The following DEPDC5 variants were observed in gnomAD, a reference collection of about 807,000 sequenced individuals.
DEPDC5 encodes the protein GATOR1 complex protein DEPDC5.
Under a neutral mutation model 217.3 loss-of-function variants are expected in DEPDC5, and 73 were observed. The observed-to-expected ratio is 0.34, with a 90% CI of 0.28 to 0.41. The LOEUF (loss-of-function observed/expected upper bound fraction) is 0.41, where lower values mean the gene tolerates loss of function less well. DEPDC5 is among the 10% of genes least tolerant of loss of function. The pLI is 1.00. For missense variants in DEPDC5, 1,675 were observed against 2,070.1 expected (o/e 0.81, Z 3.70); for synonymous variants, 733 against 756.7 (o/e 0.97, Z 0.51).
At chr22:31,790,735 CTTT>C (rs1173389043) in intron 10 of DEPDC5, among the ~76,000 whole-genome samples, 1 of 143,906 alleles carries the variant, frequency 6.9e-6, no homozygotes, top group Non-Finnish European at 1.5e-5. Flanking sequence ...CCCTATCTCT[CTTT>C]TTTTTTTTCT....
At chr22:31,761,812 C>G (rs902120797) in intron 4 of DEPDC5, among the ~76,000 whole-genome samples, 1 of 151,434 alleles carries the variant, frequency 6.6e-6, no homozygotes, top group Non-Finnish European at 1.5e-5. Context: ...TACTAAAATA[C>G]AAAATATTAG....
intron 36 of DEPDC5, chr22:31,875,356 TG>T: frequency 6.2e-6 from 1 of 161,136 alleles, no homozygotes. Flanking sequence ...AAGCATGATG[TG>T]GACTGGAAAA....
chr22:31,840,146 T>G (rs1224407058), intron 27 of DEPDC5, among the ~76,000 whole-genome samples: 1 of 152,052 alleles, frequency 6.6e-6, no homozygotes, highest in Admixed American at 6.6e-5. Flanking sequence ...GAGGGAGAAG[T>G]CATGGGGCTG....
chr22:31,795,065 A>AT (rs983604458), intron 12 of DEPDC5, among the ~76,000 whole-genome samples: 2,937 of 107,326 alleles, frequency 0.027, 109 homozygotes, highest in East Asian at 0.07. Context: ...ATTCCATGTG[A>AT]TTTTTTTTTT....
At chr22:31,815,524 A>G in intron 21 of DEPDC5, 2 of 640,878 alleles carry the variant, frequency 3.1e-6, no homozygotes, top group Non-Finnish European at 5.5e-6. Flanking sequence ...AACTGGGACT[A>G]TAGCATGCCA....
chr22:31,798,732 A>G, intron 14 of DEPDC5, 76 bp downstream of exon 14: 1 of 1,409,992 alleles, frequency 7.1e-7, no homozygotes, highest in Non-Finnish European at 9.8e-7. Flanking sequence ...GTCCTGATCC[A>G]GACCCTAAGA....
intron 41 of DEPDC5, among the ~76,000 whole-genome samples, chr22:31,905,052 G>A (rs2093732189): frequency 6.6e-6 from 1 of 152,070 alleles, no homozygotes. Context: ...ACAGCTCTTA[G>A]CAGGTAGAAC....
chr22:31,824,368 G>T (rs2148845770), intron 24 of DEPDC5, among the ~76,000 whole-genome samples: 1 of 151,940 alleles, frequency 6.6e-6, no homozygotes, highest in East Asian at 1.9e-4. Flanking sequence ...AAAAAGAAAG[G>T]TGTCATGAAA....
chr22:31,857,798 C>G (rs1259480960), intron 32 of DEPDC5: 1 of 354,514 alleles, frequency 2.8e-6, no homozygotes, highest in Non-Finnish European at 5.1e-6. Flanking sequence ...GCTTGTAATC[C>G]CAGCACTTTG....
At chr22:31,792,999 G>C (rs1361373953) in intron 12 of DEPDC5, among the ~76,000 whole-genome samples, 182 bp downstream of exon 12, 4 of 151,978 alleles carry the variant, frequency 2.6e-5, no homozygotes, top group Non-Finnish European at 5.9e-5. Flanking sequence ...GAGCCTGGGA[G>C]GTGGAGGTTG....
At chr22:31,814,662 A>C (rs1027743806) in intron 20 of DEPDC5, 6 of 267,130 alleles carry the variant, frequency 2.2e-5, no homozygotes, top group African/African-American at 1.1e-4. Context: ...TCTTTCTCCC[A>C]CATCACATCA....
In DEPDC5 at chr22:31,766,570, G is replaced by T; in HGVS notation, c.280-15G>T. On this transcript the variant is annotated splice_polypyrimidine_tract_variant and intron_variant, in intron 5 of 42. Transcript: ENST00000651528. Reference sequence around the variant, plus strand: ...CAAAGTAATGTCAGAGATATCATTTGATTATTCCTTTTAGGATGTGACCCT... The same window carrying T: ...CAAAGTAATGTCAGAGATATCATTTTATTATTCCTTTTAGGATGTGACCCT... 2 of 1,611,318 alleles carry T rather than the reference G, an allele frequency of 1.2e-6. No homozygotes were observed. Among genetic ancestry groups the T allele is most frequent in the South Asian group, 2.2e-5 (2 of 90,744 alleles).
chr22:31,872,304 G>A (rs775945146), intron 34 of DEPDC5, among the ~76,000 whole-genome samples: 4 of 152,194 alleles, frequency 2.6e-5, no homozygotes, highest in Non-Finnish European at 5.9e-5. Context: ...TTGACCTTCA[G>A]CAGTTCCTTT....
intron 25 of DEPDC5, 77 bp from the exon 26 acceptor site, chr22:31,836,885 TCTTCCCTCCC>T (rs1274464626): frequency 5.7e-6 from 7 of 1,236,612 alleles, no homozygotes; most frequent in Admixed American, 2.0e-5. Flanking sequence ...TTTTCCCCAC[TCTTCCCTCCC>T]CTTCCCTCCC....
chr22:31,799,423 A>C (rs2086617580), intron 14 of DEPDC5, among the ~76,000 whole-genome samples: 1 of 150,462 alleles, frequency 6.6e-6, no homozygotes, highest in Non-Finnish European at 1.5e-5. Flanking sequence ...TACGTGTGCC[A>C]TGGTGGTTTG....
Position 31,815,058 on chromosome 22 carries a change from T to A in DEPDC5, c.1512T>A (p.Pro504=). 6.2e-7 allele frequency: 1 copy of A among 1,614,186 alleles called. No homozygotes were observed. Among genetic ancestry groups the A allele is most frequent in the South Asian group, 1.1e-5 (1 of 91,080 alleles). ...GCTCCTGTGATGTTTCATCCAGCCC[T>A]TCCCTACCAAGCCGCACACTGCCCA... ...SASSCDVSSS[P]SLPSRTLPTE... Residue 504 remains proline, a synonymous_variant, in exon 21 of 43, where the codon CCT becomes CCA. Transcript: ENST00000651528.
At position 31,873,621 on chromosome 22, in the gene DEPDC5, A is replaced by G. The variant is rs572355806; in HGVS notation, c.3563+289A>G. ...TGCCTCAAGATGGGATTTTTTTAAA[A>G]GGGATTTTTTAAAAAGTAGTTAAGC... On this transcript the variant is annotated intron_variant, in intron 35 of 42. Coordinates refer to ENST00000651528, the MANE Select transcript of DEPDC5 (RefSeq NM_001242896.3). Among the ~76,000 whole-genome samples, 34 of 151,910 alleles carry G rather than the reference A, an allele frequency of 2.2e-4. 1 individual carries two copies. In the South Asian group the frequency reaches 6.9e-3, roughly 31 times the overall value.
chr22:31,834,265 C>T (rs2090827191), intron 25 of DEPDC5: 4 of 403,840 alleles, frequency 9.9e-6, no homozygotes, highest in Non-Finnish European at 4.6e-6. Context: ...TGGCCTTCAC[C>T]CTTAACTGCC....
intron 37 of DEPDC5, among the ~76,000 whole-genome samples, chr22:31,878,458 C>A (rs2093066547): frequency 6.6e-6 from 1 of 151,832 alleles, no homozygotes; most frequent in East Asian, 1.9e-4. Context: ...AATCCCAGCG[C>A]CTTGGAAGGC....
Sources: gnomAD v4.1 joint callset for allele counts (sites outside exome capture counted in the v4.1 genomes callset) on GRCh38, gnomAD v4.1.1 for gene constraint, MANE v1.5 for transcripts, NCBI Gene and HGNC (gene_info 2026-07-23, HGNC 2026-07-21) for gene names.